The following DDR2 variants were observed in gnomAD, a reference collection of about 807,000 sequenced individuals.
DDR2 encodes discoidin domain-containing receptor 2.
DDR2 carries 27 observed loss-of-function variants against 94.9 expected under a neutral mutation model. That is an observed-to-expected ratio of 0.28 (90% CI 0.21 to 0.39). The LOEUF is 0.39. Ranked by LOEUF, DDR2 falls within the 10% of genes least tolerant of loss-of-function variation. The pLI, the probability that DDR2 is intolerant of heterozygous loss-of-function variation, is 1.00. For missense variants in DDR2, 783 were observed against 1,076.0 expected (o/e 0.73, Z 3.81); for synonymous variants, 382 against 377.2 (o/e 1.01, Z -0.15).
chr1:162,631,480 A>G (rs1656556657), upstream of DDR2: 1 of 152,156 alleles, frequency 6.6e-6, no homozygotes, highest in Non-Finnish European at 1.5e-5. Context: ...GCCTTTTGCC[A>G]TCTACCTCTC....
At chr1:162,709,363 AATAGGG>A (rs1431726870) in intron 2 of DDR2, among the ~76,000 whole-genome samples, 1 of 152,204 alleles carries the variant, frequency 6.6e-6, no homozygotes, top group African/African-American at 2.4e-5. Context: ...AAGTTGGGCT[AATAGGG>A]ATAGCGTGAT....
At chr1:162,699,289 A>G (rs1217813959) in intron 2 of DDR2, among the ~76,000 whole-genome samples, 1 of 152,254 alleles carries the variant, frequency 6.6e-6, no homozygotes, top group Non-Finnish European at 1.5e-5. Flanking sequence ...CTAGGCCACA[A>G]TGACTTAATA....
chr1:162,637,519 TTA>T (rs1239975192), intron 1 of DDR2, among the ~76,000 whole-genome samples: 3 of 152,242 alleles, frequency 2.0e-5, no homozygotes, highest in South Asian at 2.1e-4. Flanking sequence ...TGTATTAGTA[TTA>T]TGTTTTATTT....
intron 3 of DDR2, among the ~76,000 whole-genome samples, chr1:162,752,598 G>A (rs1373716195): frequency 1.3e-5 from 2 of 152,196 alleles, no homozygotes; most frequent in Non-Finnish European, 2.9e-5. Context: ...GTTCTAACCA[G>A]GGCCAAAAAT....
intron 2 of DDR2, among the ~76,000 whole-genome samples, chr1:162,661,774 G>A (rs549732758): frequency 1.3e-5 from 2 of 152,324 alleles, no homozygotes; most frequent in South Asian, 4.1e-4. Flanking sequence ...CCAAATTTCA[G>A]AGGAGGTGGG....
intron 2 of DDR2, among the ~76,000 whole-genome samples, chr1:162,695,083 A>C (rs1439945571): frequency 6.6e-6 from 1 of 152,204 alleles, no homozygotes; most frequent in Non-Finnish European, 1.5e-5. Flanking sequence ...GCTAAAAAAA[A>C]AATTTTGAAT....
At chr1:162,661,397 C>T (rs1458972195) in intron 2 of DDR2, among the ~76,000 whole-genome samples, 3 of 152,182 alleles carry the variant, frequency 2.0e-5, no homozygotes, top group Admixed American at 6.5e-5. Flanking sequence ...AAAAAGGTAG[C>T]GTTGGTTTTG....
At chr1:162,680,833 T>A (rs1659364570) in intron 2 of DDR2, among the ~76,000 whole-genome samples, 1 of 152,236 alleles carries the variant, frequency 6.6e-6, no homozygotes, top group Admixed American at 6.5e-5. Flanking sequence ...AGTCTTCTTC[T>A]ATAAAAACAC....
intron 2 of DDR2, among the ~76,000 whole-genome samples, chr1:162,661,812 C>T (rs535534984): frequency 6.6e-6 from 1 of 152,300 alleles, no homozygotes; most frequent in South Asian, 2.1e-4. Flanking sequence ...TCTTTTTCCT[C>T]ATCCAGAGTT....
intron 1 of DDR2, among the ~76,000 whole-genome samples, chr1:162,637,496 A>C (rs1453272023): frequency 1.3e-5 from 2 of 152,140 alleles, no homozygotes; most frequent in Admixed American, 1.3e-4. Context: ...CAATTTCTCT[A>C]TTATTACAAC....
At chr1:162,724,198 A>G (rs1044092807) in intron 3 of DDR2, among the ~76,000 whole-genome samples, 1 of 152,140 alleles carries the variant, frequency 6.6e-6, no homozygotes, top group African/African-American at 2.4e-5. Context: ...ACCCAGGGCT[A>G]CCTGTCTCCC....
Position 162,775,798 on chromosome 1 carries a change from G to T in DDR2, c.2003G>T (p.Arg668Leu), listed in dbSNP as rs754868982. 1.9e-6 allele frequency: 3 copies of T among 1,613,762 alleles called. No homozygotes were observed. Among genetic ancestry groups the T allele is most frequent in the Non-Finnish European group, 1.7e-6 (2 of 1,179,970 alleles). ...GGAGATCTCAATCAGTTTCTTTCCC[G>T]CCACGAGCCCCCTAATTCTTCCTCC... ...ENGDLNQFLS[R>L]HEPPNSSSSD... Residue 668 changes from arginine to leucine, a missense_variant, in exon 15 of 18, where the codon CGC (arginine) becomes CTC (leucine). By Grantham distance (102) the Arg-to-Leu change is moderately radical. Coordinates refer to ENST00000367921, the MANE Select transcript of DDR2 (RefSeq NM_006182.4).
At chr1:162,662,684 G>T (rs1458545281) in intron 2 of DDR2, among the ~76,000 whole-genome samples, 2 of 152,144 alleles carry the variant, frequency 1.3e-5, no homozygotes, top group African/African-American at 4.8e-5. Context: ...AAATGAAGGT[G>T]ATAAAAACAT....
chr1:162,730,378 AAGCGG>A (rs1661981706), intron 3 of DDR2, among the ~76,000 whole-genome samples: 1 of 152,192 alleles, frequency 6.6e-6, no homozygotes, highest in Admixed American at 6.5e-5. Flanking sequence ...TTTAGGCTAC[AAGCGG>A]AGCATTTTGA....
rs1663578540 is a variant in DDR2, at chr1:162,758,803, T to C, written c.672-993T>C. On this transcript the variant is annotated intron_variant, in intron 7 of 17. Transcript: ENST00000367921. Reference sequence around the variant, plus strand: ...TAAACCTCAAGGGTCACACCAATTATTGCTTGAGGGTGAGTATCCCAATCT... The same window carrying C: ...TAAACCTCAAGGGTCACACCAATTACTGCTTGAGGGTGAGTATCCCAATCT... Among the ~76,000 whole-genome samples the C allele has an allele frequency of 1.3e-5, 2 of 152,224 alleles. 1 individual carries two copies. The highest frequency in any genetic ancestry group is 2.9e-5 in the Non-Finnish European group (2 of 68,034).
intron 2 of DDR2, among the ~76,000 whole-genome samples, chr1:162,705,876 A>G (rs985646177): frequency 3.9e-5 from 6 of 152,224 alleles, no homozygotes; most frequent in African/African-American, 1.2e-4. Context: ...CTGATACATA[A>G]TAAGTGCTCC....
At chr1:162,653,298 C>A (rs373713645) in intron 1 of DDR2, among the ~76,000 whole-genome samples, 1 of 151,984 alleles carries the variant, frequency 6.6e-6, no homozygotes, top group African/African-American at 2.4e-5. Flanking sequence ...GTTTGGGGGC[C>A]GGGCATGGTG....
At chr1:162,665,076 T>C (rs1658485298) in intron 2 of DDR2, among the ~76,000 whole-genome samples, 1 of 152,204 alleles carries the variant, frequency 6.6e-6, no homozygotes, top group Admixed American at 6.5e-5. Flanking sequence ...ATCTTCCCAA[T>C]TTCACTTCCC....
intron 3 of DDR2, among the ~76,000 whole-genome samples, chr1:162,737,502 G>T (rs1348237812): frequency 2.2e-5 from 3 of 134,734 alleles, no homozygotes; most frequent in African/African-American, 8.4e-5. Context: ...CATTTTTTAT[G>T]GCTGCATAGT....
Sources: allele counts gnomAD v4.1 joint callset (sites outside exome capture counted in the v4.1 genomes callset), GRCh38; gene constraint gnomAD v4.1.1; transcripts MANE v1.5; gene names NCBI Gene and HGNC (gene_info 2026-07-23, HGNC 2026-07-21).